The following CHRNA3 variants were observed in gnomAD, a reference collection of about 807,000 sequenced individuals.
The protein encoded by CHRNA3 is cholinergic receptor nicotinic alpha 3 subunit.
Under a neutral mutation model 41.9 loss-of-function variants are expected in CHRNA3, and 34 were observed. The ratio of observed to expected loss-of-function variants is 0.81; its 90% CI spans 0.62 to 1.08. CHRNA3 has a LOEUF of 1.08. Ranked by LOEUF, CHRNA3 falls within the 50% of genes least tolerant of loss-of-function variation. The pLI is 0.00. For missense variants in CHRNA3, 542 were observed against 638.3 expected, an observed-to-expected ratio of 0.85 and a Z score of 1.63; for synonymous variants, 281 against 265.2, an observed-to-expected ratio of 1.06 and a Z score of -0.58.
At chr15:78,613,652 A>G (rs1211848235) in intron 4 of CHRNA3, among the ~76,000 whole-genome samples, 111 of 145,142 alleles carry the variant, frequency 7.6e-4, no homozygotes, top group Middle Eastern at 3.6e-3. Context: ...GCACACCAAC[A>G]TGGCACATGT....
chr15:78,612,055 T>G (rs1056848672), intron 4 of CHRNA3, among the ~76,000 whole-genome samples: 2 of 151,918 alleles, frequency 1.3e-5, no homozygotes, highest in African/African-American at 2.4e-5. Flanking sequence ...CACTGCTCAA[T>G]GAAATAAAAG....
chr15:78,595,560 G>T lies in CHRNA3; in HGVS notation c.*1044C>A, dbSNP rs1172298960. The T allele has an allele frequency of 1.0e-5, 2 of 200,118 alleles. No individual in the cohort carries two copies. The highest frequency in any genetic ancestry group is 1.8e-5 in the Non-Finnish European group (2 of 111,990). 12.4% of individuals were successfully genotyped at this position (200,118 alleles called of 1,614,324 possible). A position where few individuals can be genotyped will look rare whatever the true frequency, so the allele number is the denominator to read the frequency against. On this transcript the variant is annotated 3_prime_UTR_variant, in exon 6 of 6. Transcript: ENST00000326828. ...AAGCAAGGTATGTCATTGGCATCTA[G>T]TGAGTTGAGGCTAGGGTACTGCTAA...
chr15:78,614,308 G>A (rs975542015), intron 4 of CHRNA3, among the ~76,000 whole-genome samples: 9 of 152,148 alleles, frequency 5.9e-5, no homozygotes, highest in African/African-American at 2.2e-4. Context: ...TCCCTTAAGA[G>A]CATTTGAACC....
downstream of CHRNA3, chr15:78,593,150 T>G (rs759802002): frequency 2.1e-5 from 34 of 1,613,408 alleles, no homozygotes; most frequent in African/African-American, 4.0e-5. Flanking sequence ...CTGTGGACTT[T>G]TCTTTTCGTT....
At chr15:78,599,267 G>A (rs1003801770) in intron 5 of CHRNA3, among the ~76,000 whole-genome samples, 1 of 152,172 alleles carries the variant, frequency 6.6e-6, no homozygotes, top group South Asian at 2.1e-4. Flanking sequence ...GTAAGCCACT[G>A]TGCCTGGCTT....
chr15:78,597,853 T>C (rs1471258019), intron 5 of CHRNA3, among the ~76,000 whole-genome samples: 4 of 152,318 alleles, frequency 2.6e-5, no homozygotes, highest in Non-Finnish European at 4.4e-5. Flanking sequence ...ATAAGTATAC[T>C]GAAATGGCGC....
chr15:78,613,776 C>CA, intron 4 of CHRNA3, among the ~76,000 whole-genome samples: 1 of 66,200 alleles, frequency 1.5e-5, no homozygotes, highest in Admixed American at 1.8e-4. Context: ...AAAAAAAAAA[C>CA]CAAAAAAAAC....
intron 4 of CHRNA3, among the ~76,000 whole-genome samples, chr15:78,611,051 A>G (rs1174564258): frequency 6.6e-6 from 1 of 152,134 alleles, no homozygotes; most frequent in Non-Finnish European, 1.5e-5. Flanking sequence ...TAGACCAATA[A>G]CAGGAGCTGA....
intron 5 of CHRNA3, among the ~76,000 whole-genome samples, chr15:78,600,216 A>G (rs1467344822): frequency 6.6e-6 from 1 of 152,128 alleles, no homozygotes. Flanking sequence ...CTGGAACTAC[A>G]GGCACGTGCC....
chr15:78,594,470 A>C (rs2053066244), downstream of CHRNA3: 2 of 152,164 alleles, frequency 1.3e-5, no homozygotes, highest in Non-Finnish European at 2.9e-5. Context: ...AGAGGTTAGG[A>C]GTTCGAGACT....
chr15:78,607,915 G>T (rs1484730008), intron 4 of CHRNA3, among the ~76,000 whole-genome samples: 1 of 152,048 alleles, frequency 6.6e-6, no homozygotes, highest in African/African-American at 2.4e-5. Flanking sequence ...CACACCAGGA[G>T]ATTACATCCT....
intron 4 of CHRNA3, among the ~76,000 whole-genome samples, chr15:78,608,198 C>T (rs1225407318): frequency 1.3e-5 from 2 of 152,252 alleles, no homozygotes; most frequent in South Asian, 2.1e-4. Flanking sequence ...CCCTGTCTGA[C>T]AGCTTTGAGG....
Position 78,620,860 on chromosome 15 carries a change from C to T in CHRNA3, c.-66G>A. 1 of 1,319,708 alleles carries T rather than the reference C, an allele frequency of 7.6e-7. No individual in the cohort carries two copies. The highest frequency in any genetic ancestry group is 9.6e-7 in the Non-Finnish European group (1 of 1,043,268). The allele number at this position is 1,319,708 out of a possible 1,614,324, so 81.7% of individuals were successfully genotyped here. ...GCGGGCGCGGCGGTCGCAGAGACGG[C>T]CTCTCCCCGCGCGGCTCCAGCGCAG... On this transcript the variant is annotated 5_prime_UTR_variant, in exon 1 of 6. Transcript: ENST00000326828.
chr15:78,606,899 CAAAAA>C (rs991300504), intron 4 of CHRNA3, among the ~76,000 whole-genome samples: 11 of 151,626 alleles, frequency 7.3e-5, no homozygotes, highest in African/African-American at 2.4e-4. Context: ...CAAAACAAAA[CAAAAA>C]ACACACAAAA....
intron 4 of CHRNA3, among the ~76,000 whole-genome samples, chr15:78,616,394 C>T (rs960873626): frequency 7.3e-6 from 1 of 136,452 alleles, no homozygotes; most frequent in African/African-American, 2.7e-5. Flanking sequence ...GGTAACCATG[C>T]CAGTCAGCAG....
intron 4 of CHRNA3, among the ~76,000 whole-genome samples, chr15:78,604,926 T>C (rs1035098423): frequency 3.0e-4 from 46 of 152,052 alleles, no homozygotes; most frequent in African/African-American, 1.1e-3. Flanking sequence ...GGCAGGAGAA[T>C]TGCTTGAACC....
chr15:78,618,614 T>TA lies in CHRNA3; in HGVS notation c.267+2dup. ...CAGCAGTGCCTAGGGTCTGGTCACTTACTTGCTTGAGCCACAGGTTGGTCT... is the reference window on the plus strand; with the variant it reads ...CAGCAGTGCCTAGGGTCTGGTCACTTAACTTGCTTGAGCCACAGGTTGGTCT... On this transcript the variant is annotated splice_region_variant and intron_variant, in intron 3 of 5. Coordinates refer to ENST00000326828, the MANE Select transcript of CHRNA3 (RefSeq NM_000743.5). 1 of 1,614,064 alleles carries TA rather than the reference T, an allele frequency of 6.2e-7. No homozygotes were observed. Among genetic ancestry groups the TA allele is most frequent in the Non-Finnish European group, 8.5e-7 (1 of 1,179,996 alleles).
At chr15:78,613,765 CA>C (rs1293170725) in intron 4 of CHRNA3, among the ~76,000 whole-genome samples, 6 of 129,258 alleles carry the variant, frequency 4.6e-5, no homozygotes, top group South Asian at 2.4e-4. Context: ...GGCAAACAAA[CA>C]AAAAAAAAAC....
At chr15:78,600,063 A>G (rs2053173988) in intron 5 of CHRNA3, 1 of 151,202 alleles carries the variant, frequency 6.6e-6, no homozygotes. Flanking sequence ...CAAATAAGTC[A>G]GTATAATGGT....
Sources: allele counts gnomAD v4.1 joint callset (sites outside exome capture counted in the v4.1 genomes callset), GRCh38; gene constraint gnomAD v4.1.1; transcripts MANE v1.5; gene names NCBI Gene and HGNC (gene_info 2026-07-23, HGNC 2026-07-21).